The following SNX25 variants were observed in gnomAD, a reference collection of about 807,000 sequenced individuals.
SNX25 encodes sorting nexin 25.
SNX25 carries 62 observed loss-of-function variants against 113.7 expected under a neutral mutation model. The observed-to-expected ratio is 0.55, with a 90% CI of 0.44 to 0.67. SNX25 has a LOEUF of 0.67. Ranked by LOEUF, SNX25 falls within the 30% of genes least tolerant of loss-of-function variation. SNX25 has a pLI of 0.00. For synonymous variants in SNX25, 421 were observed against 436.2 expected (o/e 0.97, Z 0.43); for missense variants, 1,014 against 1,161.0 (o/e 0.87, Z 1.84).
intron 10 of SNX25, among the ~76,000 whole-genome samples, chr4:185,335,256 G>A (rs1181622513): frequency 6.6e-6 from 1 of 151,104 alleles, no homozygotes; most frequent in Non-Finnish European, 1.5e-5. Context: ...TGAAGTGGAG[G>A]TTGCAGTCAG....
intron 7 of SNX25, among the ~76,000 whole-genome samples, chr4:185,312,050 G>A (rs1339479389): frequency 6.6e-6 from 1 of 152,196 alleles, no homozygotes; most frequent in African/African-American, 2.4e-5. Flanking sequence ...AGATTTGACA[G>A]GTTGAATATT....
At chr4:185,295,514 G>A (rs1752720719) in intron 6 of SNX25, among the ~76,000 whole-genome samples, 1 of 150,242 alleles carries the variant, frequency 6.7e-6, no homozygotes, top group Admixed American at 6.7e-5. Context: ...CAGTGGTGCA[G>A]TCACGGCTCA....
At chr4:185,353,258 C>T in intron 14 of SNX25, 1 of 422,538 alleles carries the variant, frequency 2.4e-6, no homozygotes, top group Admixed American at 3.7e-5. Flanking sequence ...AATACAGCGA[C>T]AGATTTTTTT....
intron 6 of SNX25, among the ~76,000 whole-genome samples, chr4:185,309,658 C>A (rs1225617162): frequency 6.6e-6 from 1 of 152,208 alleles, no homozygotes; most frequent in Non-Finnish European, 1.5e-5. Flanking sequence ...CAGACATCCT[C>A]TTGTCCTCTC....
intron 3 of SNX25, among the ~76,000 whole-genome samples, chr4:185,261,263 C>T (rs527416809): frequency 1.3e-3 from 204 of 152,150 alleles, no homozygotes; most frequent in African/African-American, 4.7e-3. Context: ...CTGCAACCTC[C>T]GCTTCTCTGG....
chr4:185,293,497 A>G (rs1309448674), intron 6 of SNX25, among the ~76,000 whole-genome samples: 3 of 152,258 alleles, frequency 2.0e-5, no homozygotes, highest in Admixed American at 2.0e-4. Flanking sequence ...CAGATGCAAT[A>G]GGGCACATAT....
downstream of SNX25, chr4:185,370,859 G>C (rs202001295): frequency 6.3e-7 from 1 of 1,597,798 alleles, no homozygotes; most frequent in African/African-American, 1.3e-5. Context: ...ATCAGTTATG[G>C]TAAGTGTTTG....
chr4:185,289,675 G>C (rs952829485), intron 6 of SNX25, among the ~76,000 whole-genome samples: 1 of 152,132 alleles, frequency 6.6e-6, no homozygotes, highest in Non-Finnish European at 1.5e-5. Flanking sequence ...TGTGGACTCT[G>C]TTCCTCTCCT....
In SNX25 at chr4:185,298,340, C is replaced by G. The variant is rs141497378; in HGVS notation, c.1162+10258C>G. ...CTAACCTCAGGTGACTCACCCGCCTCGGCCTCCCAAAGTGTTCGGATTACA... is the reference window on the plus strand; with the variant it reads ...CTAACCTCAGGTGACTCACCCGCCTGGGCCTCCCAAAGTGTTCGGATTACA... On this transcript the variant is annotated intron_variant, in intron 6 of 18. Coordinates refer to ENST00000652585, the MANE Select transcript of SNX25 (RefSeq NM_001378034.2). Among the ~76,000 whole-genome samples, 1,387 of 152,202 alleles carry G rather than the reference C, an allele frequency of 9.1e-3. 21 individuals carry two copies. The highest frequency in any genetic ancestry group is 0.032 in the African/African-American group (1,321 of 41,530).
At chr4:185,260,802 A>G (rs1173960984) in intron 3 of SNX25, among the ~76,000 whole-genome samples, 1 of 152,204 alleles carries the variant, frequency 6.6e-6, no homozygotes, top group African/African-American at 2.4e-5. Context: ...CCACCCTTTG[A>G]AAACTGCTGC....
In SNX25 at chr4:185,361,946, T is replaced by C. The variant is rs1322433808; in HGVS notation, c.2674T>C (p.Trp892Arg). 1.2e-6 allele frequency: 2 copies of C among 1,614,110 alleles called. No homozygotes were observed. The highest frequency in any genetic ancestry group is 1.7e-6 in the Non-Finnish European group (2 of 1,179,982). The part of the protein sequence containing the change: ...INKQIRDTVS[W>R]IFSEQMLVYY... The stretch of plus-strand genomic sequence containing the variant: ...AAGACAAATCCGGGACACAGTCAGC[T>C]GGATTTTCAGTGAGCAAATGTTGGT... Residue 892 changes from tryptophan (W) to arginine (R), a missense_variant, in exon 17 of 19, where the codon TGG becomes CGG. Transcript: ENST00000652585.
At chr4:185,249,403 A>C (rs544898877) in intron 2 of SNX25, among the ~76,000 whole-genome samples, 6 of 152,214 alleles carry the variant, frequency 3.9e-5, no homozygotes, top group African/African-American at 1.2e-4. Flanking sequence ...ACACCTTTTC[A>C]TGTGTTATTG....
intron 1 of SNX25, among the ~76,000 whole-genome samples, chr4:185,229,414 G>A (rs979226323): frequency 2.6e-5 from 4 of 152,196 alleles, no homozygotes; most frequent in Admixed American, 6.5e-5. Context: ...GTCCAGTTGC[G>A]GTGTGGGTGG....
intron 7 of SNX25, among the ~76,000 whole-genome samples, chr4:185,316,544 A>G (rs2095076062): frequency 6.6e-6 from 1 of 152,170 alleles, no homozygotes. Flanking sequence ...AGTGGCCCCA[A>G]AATGGAAAGA....
chr4:185,279,947 G>GTT (rs1164248570), intron 5 of SNX25, among the ~76,000 whole-genome samples: 1 of 151,962 alleles, frequency 6.6e-6, no homozygotes, highest in Non-Finnish European at 1.5e-5. Flanking sequence ...TTAAGACAGG[G>GTT]TCTCACTCTG....
downstream of SNX25, chr4:185,372,920 C>T (rs148413560): frequency 1.2e-4 from 190 of 1,613,638 alleles, no homozygotes; most frequent in Middle Eastern, 3.3e-4. Flanking sequence ...ACGAGATTCC[C>T]TTGAGCATAG....
At chr4:185,212,469 G>C (rs1376846308) in intron 1 of SNX25, among the ~76,000 whole-genome samples, 2,942 of 84,150 alleles carry the variant, frequency 0.035, 191 homozygotes, top group African/African-American at 0.11. Context: ...TGTGATGTGT[G>C]TGTGTGTGTG....
At chr4:185,312,892 A>G (rs531979670) in intron 7 of SNX25, among the ~76,000 whole-genome samples, 1 of 152,304 alleles carries the variant, frequency 6.6e-6, no homozygotes, top group African/African-American at 2.4e-5. Flanking sequence ...TCATCCTCAG[A>G]GTAAAACCAT....
chr4:185,287,526 G>A (rs1343870814), intron 5 of SNX25, among the ~76,000 whole-genome samples: 1 of 150,684 alleles, frequency 6.6e-6, no homozygotes, highest in Non-Finnish European at 1.5e-5. Context: ...GTTCTACTTG[G>A]CACCGCCCGG....
Sources: allele counts gnomAD v4.1 joint callset (sites outside exome capture counted in the v4.1 genomes callset), GRCh38; gene constraint gnomAD v4.1.1; transcripts MANE v1.5; gene names NCBI Gene and HGNC (gene_info 2026-07-23, HGNC 2026-07-21).